The following ABHD15 variants were observed in gnomAD, a reference collection of about 807,000 sequenced individuals.
ABHD15 encodes abhydrolase domain containing 15, also known as protein ABHD15.
A neutral mutation model predicts 34.4 loss-of-function variants in ABHD15; 34 were observed. The ratio of observed to expected loss-of-function variants is 0.99; its 90% CI spans 0.75 to 1.32. The LOEUF (loss-of-function observed/expected upper bound fraction) is 1.32, where lower values mean the gene tolerates loss of function less well. Among genes scored for constraint, ABHD15 ranks in the 40% most tolerant of loss-of-function variants. The pLI is 0.00. For synonymous variants in ABHD15, 314 were observed against 299.2 expected (o/e 1.05, Z -0.51); for missense variants, 644 against 650.4 (o/e 0.99, Z 0.11).
At chr17:29,564,982 C>T (rs1352337653) in intron 1 of ABHD15, among the ~76,000 whole-genome samples, 1 of 151,982 alleles carries the variant, frequency 6.6e-6, no homozygotes, top group Non-Finnish European at 1.5e-5. Context: ...CAGCTGGGCA[C>T]GGTGGCTCAC....
chr17:29,566,911 CCGAGAAGGG>C lies in ABHD15; in HGVS notation c.47_55del (p.Ala16_Leu18del), dbSNP rs769564086. The C allele has an allele frequency of 8.1e-6, 12 of 1,488,108 alleles. No individual in the cohort carries two copies. In the South Asian group the frequency reaches 1.3e-4, roughly 16 times the overall value. 92.2% of individuals were successfully genotyped at this position (1,488,108 alleles called of 1,614,324 possible). A position where few individuals can be genotyped will look rare whatever the true frequency, so the allele number is the denominator to read the frequency against. On this transcript the variant is annotated inframe_deletion, in exon 1 of 2. Coordinates refer to ENST00000307201, the MANE Select transcript of ABHD15 (RefSeq NM_198147.3). ...TCCCCGGAGCCGCGGGCCGAGCAGG[CCGAGAAGGG>C]CGAGCACGGCCAAGATGAGCGCGAG...
In ABHD15 at chr17:29,562,947, G is replaced by A. The variant is rs1265822616; in HGVS notation, c.1021C>T (p.Pro341Ser). 1.4e-5 allele frequency: 22 copies of A among 1,613,974 alleles called. No homozygotes were observed. The highest frequency in any genetic ancestry group is 1.7e-5 in the Non-Finnish European group (20 of 1,180,062). ...GCTGCCTCATCGACATCCCGGAGCGGGTCGTTGCGGTCCCAGTAGGTATCC... is the reference window on the plus strand; with the variant it reads ...GCTGCCTCATCGACATCCCGGAGCGAGTCGTTGCGGTCCCAGTAGGTATCC... ...SWDTYWDRND[P>S]LRDVDEAAVP... Residue 341 changes from proline (P) to serine (S), a missense_variant, in exon 2 of 2, where the codon CCG becomes TCG. By Grantham distance (74) the Pro-to-Ser change is moderately conservative. Coordinates refer to ENST00000307201, the MANE Select transcript of ABHD15 (RefSeq NM_198147.3).
rs142247788 is a variant in ABHD15, at chr17:29,565,428, G to A, written c.881+658C>T. 7.0e-3 allele frequency among the ~76,000 whole-genome samples: 1,061 copies of A among 151,992 alleles called. 16 individuals carry two copies. The highest frequency in any genetic ancestry group is 0.024 in the African/African-American group (1,012 of 41,444). On this transcript the variant is annotated intron_variant, in intron 1 of 1. Coordinates refer to ENST00000307201, the MANE Select transcript of ABHD15 (RefSeq NM_198147.3). Reference sequence around the variant, plus strand: ...CTGCAGCCTCGAACTTCTGGGCTTCGGTGATCCTCCCATCTCAACCTCCTG... The same window carrying A: ...CTGCAGCCTCGAACTTCTGGGCTTCAGTGATCCTCCCATCTCAACCTCCTG...
chr17:29,563,008 A>G lies in ABHD15; in HGVS notation c.960T>C (p.Ala320=). The G allele has an allele frequency of 6.2e-7, 1 of 1,613,402 alleles. No homozygotes were observed. The highest frequency in any genetic ancestry group is 8.5e-7 in the Non-Finnish European group (1 of 1,180,010). ...RSRSLREFEE[A]LFCHTKSFPI... ...GGAAGCTTTTGGTGTGGCAGAAGAG[A>G]GCCTCCTCAAACTCTCGAAGGGAAC... The change falls in exon 2 of 2, where the codon GCT becomes GCC. Residue 320 remains alanine, a synonymous_variant. Coordinates refer to ENST00000307201, the MANE Select transcript of ABHD15 (RefSeq NM_198147.3).
Position 29,562,947 on chromosome 17 carries a change from G to C in ABHD15, c.1021C>G (p.Pro341Ala). The change falls in exon 2 of 2, where the codon CCG becomes GCG. Residue 341 changes from proline to alanine, a missense_variant. Physicochemically the swap from Pro to Ala is conservative, Grantham distance 27. Transcript: ENST00000307201. ...SWDTYWDRNDPLRDVDEAAVP... is the reference protein window; with the variant it reads ...SWDTYWDRNDALRDVDEAAVP... ...GCTGCCTCATCGACATCCCGGAGCG[G>C]GTCGTTGCGGTCCCAGTAGGTATCC... 1 of 1,614,092 alleles carries C rather than the reference G, an allele frequency of 6.2e-7. No homozygotes were observed. The highest frequency in any genetic ancestry group is 2.2e-5 in the East Asian group (1 of 44,882).
rs2032626549 is a variant in ABHD15 at position 29,561,429 on chromosome 17, T to C, written c.*1132A>G. 6.6e-6 allele frequency: 1 copy of C among 152,280 alleles called. No homozygotes were observed. The highest frequency in any genetic ancestry group is 1.5e-5 in the Non-Finnish European group (1 of 68,058). The allele number at this position is 152,280 out of a possible 1,614,324, so 9.4% of individuals were successfully genotyped here. ...TTCATAAAACCAAATACCCACTTAT[T>C]TGCTGAGTGGCCAGATCTAAGAGGA... On this transcript the variant is annotated 3_prime_UTR_variant, in exon 2 of 2. Transcript: ENST00000307201.
In ABHD15 at chr17:29,563,017, A is replaced by G. The variant is rs2032652517; in HGVS notation, c.951T>C (p.Phe317=). 2 of 1,612,958 alleles carry G rather than the reference A, an allele frequency of 1.2e-6. No individual in the cohort carries two copies. Among genetic ancestry groups the G allele is most frequent in the Non-Finnish European group, 1.7e-6 (2 of 1,180,014 alleles). The change falls in exon 2 of 2, where the codon TTT becomes TTC. Residue 317 remains phenylalanine, a synonymous_variant. Transcript: ENST00000307201. ...TGGTGTGGCAGAAGAGAGCCTCCTC[A>G]AACTCTCGAAGGGAACGGCTCCTGA... The part of the protein sequence containing the change: ...RLFRSRSLRE[F]EEALFCHTKS...
intron 1 of ABHD15, 80 bp from the exon 2 acceptor site, chr17:29,563,166 C>T (rs749497331): frequency 6.0e-5 from 89 of 1,489,632 alleles, no homozygotes; most frequent in Non-Finnish European, 7.8e-5. Context: ...ATGAGACAGA[C>T]AGACAGCCCG....
At position 29,560,871 on chromosome 17, in the gene ABHD15, G is replaced by C. The variant is rs1420276124; in HGVS notation, c.*1690C>G. The C allele has an allele frequency of 2.0e-5, 3 of 152,138 alleles. No homozygotes were observed. Among genetic ancestry groups the C allele is most frequent in the Non-Finnish European group, 4.4e-5 (3 of 68,064 alleles). 9.4% of individuals were successfully genotyped at this position (152,138 alleles called of 1,614,324 possible). A position where few individuals can be genotyped will look rare whatever the true frequency, so the allele number is the denominator to read the frequency against. ...AGGTTTCACTGTGTTAGCCAGGATG[G>C]TCTCGATCTCCTGACCTCGTGATCC... On this transcript the variant is annotated 3_prime_UTR_variant, in exon 2 of 2. Coordinates refer to ENST00000307201, the MANE Select transcript of ABHD15 (RefSeq NM_198147.3).
In ABHD15 at chr17:29,562,646, C is replaced by T. The variant is rs781467147; in HGVS notation, c.1322G>A (p.Arg441His). ...TTCCCGCCTCTGCAAGGCTCCCCCA[C>T]GACGACGGCCCCCAAGGAAGGAAGC... ...HRASFLGGRR[R>H]GGALQRREVS... The change falls in exon 2 of 2, where the codon CGT becomes CAT. Residue 441 changes from arginine to histidine, a missense_variant. By Grantham distance (29) the Arg-to-His change is conservative (BLOSUM62 0). Coordinates refer to ENST00000307201, the MANE Select transcript of ABHD15 (RefSeq NM_198147.3). 50 of 1,613,982 alleles carry T rather than the reference C, an allele frequency of 3.1e-5. No individual in the cohort carries two copies. The highest frequency in any genetic ancestry group is 3.6e-5 in the Non-Finnish European group (42 of 1,180,032).
In ABHD15 at chr17:29,566,997, G is replaced by A. The variant is rs1231346218; in HGVS notation, c.-31C>T. On this transcript the variant is annotated 5_prime_UTR_variant, in exon 1 of 2. Coordinates refer to ENST00000307201, the MANE Select transcript of ABHD15 (RefSeq NM_198147.3). The stretch of plus-strand genomic sequence containing the variant: ...AGCTGGAGAGCCCCGGCGGGCAGCG[G>A]GCGGCGGGGCCGTCTACTCGGCGAG... The A allele has an allele frequency of 5.5e-6, 7 of 1,279,108 alleles. No individual in the cohort carries two copies. Among genetic ancestry groups the A allele is most frequent in the Non-Finnish European group, 6.9e-6 (7 of 1,017,780 alleles). The allele number at this position is 1,279,108 out of a possible 1,614,324, so 79.2% of individuals were successfully genotyped here. A position where few individuals can be genotyped will look rare whatever the true frequency, so the allele number is the denominator to read the frequency against.
Position 29,566,670 on chromosome 17 carries a change from G to A in ABHD15, c.297C>T (p.Ser99=), listed in dbSNP as rs569719509. Residue 99 remains serine, a synonymous_variant, in exon 1 of 2, where the codon TCC becomes TCT. Coordinates refer to ENST00000307201, the MANE Select transcript of ABHD15 (RefSeq NM_198147.3). ...RSEALEAGPR[S]WFSGPHLQTL... Reference sequence around the variant, plus strand: ...TCTGCAGGTGGGGCCCGGAGAACCAGGAGCGCGGGCCGGCCTCCAGCGCCT... The same window carrying A: ...TCTGCAGGTGGGGCCCGGAGAACCAAGAGCGCGGGCCGGCCTCCAGCGCCT... 6.3e-7 allele frequency: 1 copy of A among 1,599,210 alleles called. No homozygotes were observed. Among genetic ancestry groups the A allele is most frequent in the Admixed American group, 1.7e-5 (1 of 59,272 alleles).
At position 29,567,035 on chromosome 17, in the gene ABHD15, C is replaced by A. The variant is rs2032734778; in HGVS notation, c.-69G>T. 8.3e-7 allele frequency: 1 copy of A among 1,199,494 alleles called. No individual in the cohort carries two copies. Among genetic ancestry groups the A allele is most frequent in the African/African-American group, 1.6e-5 (1 of 62,800 alleles). The allele number at this position is 1,199,494 out of a possible 1,614,324, so 74.3% of individuals were successfully genotyped here. On this transcript the variant is annotated 5_prime_UTR_variant, in exon 1 of 2. Transcript: ENST00000307201. This position sits in a 1 kb window ranked among gnomAD's most constrained non-coding sequence, Gnocchi z 6.6. ...TCTACTCGGCGAGCTCCGCGCTTTG[C>A]CCGCGGCTCCGCCCGCCGGCGGCGG...
rs115565555 is a variant in ABHD15, at chr17:29,561,636, G to A, written c.*925C>T. ...AGGCCAGTAGTAGGATCAGAAAAGGGAGCAACCAACCAGAAAACACCTAAG... is the reference window on the plus strand; with the variant it reads ...AGGCCAGTAGTAGGATCAGAAAAGGAAGCAACCAACCAGAAAACACCTAAG... On this transcript the variant is annotated 3_prime_UTR_variant, in exon 2 of 2. Coordinates refer to ENST00000307201, the MANE Select transcript of ABHD15 (RefSeq NM_198147.3). 3 of 152,498 alleles carry A rather than the reference G, an allele frequency of 2.0e-5. No individual in the cohort carries two copies. Among genetic ancestry groups the A allele is most frequent in the Non-Finnish European group, 4.4e-5 (3 of 68,034 alleles). 9.4% of individuals were successfully genotyped at this position (152,498 alleles called of 1,614,324 possible). A position where few individuals can be genotyped will look rare whatever the true frequency, so the allele number is the denominator to read the frequency against.
chr17:29,566,983 C>G lies in ABHD15; in HGVS notation c.-17G>C. The stretch of plus-strand genomic sequence containing the variant: ...CGGCGGCATGGCGAAGCTGGAGAGC[C>G]CCGGCGGGCAGCGGGCGGCGGGGCC... On this transcript the variant is annotated 5_prime_UTR_variant, in exon 1 of 2. Transcript: ENST00000307201. 4.6e-6 allele frequency: 6 copies of G among 1,300,362 alleles called. No homozygotes were observed. Among genetic ancestry groups the G allele is most frequent in the Non-Finnish European group, 4.9e-6 (5 of 1,030,428 alleles). 80.6% of individuals were successfully genotyped at this position (1,300,362 alleles called of 1,614,324 possible).
Position 29,562,958 on chromosome 17 carries a change from T to C in ABHD15, c.1010A>G (p.Asp337Gly), listed in dbSNP as rs990893896. 2 of 1,614,014 alleles carry C rather than the reference T, an allele frequency of 1.2e-6. No individual in the cohort carries two copies. Among genetic ancestry groups the C allele is most frequent in the Admixed American group, 1.7e-5 (1 of 60,010 alleles). ...GACATCCCGGAGCGGGTCGTTGCGG[T>C]CCCAGTAGGTATCCCAGCTGATGGG... Reference protein sequence around the residue: ...SFPISWDTYWDRNDPLRDVDE... With the variant: ...SFPISWDTYWGRNDPLRDVDE... Residue 337 changes from aspartate (D) to glycine (G), a missense_variant, in exon 2 of 2, where the codon GAC becomes GGC. Asp to Gly is a moderately conservative substitution (Grantham distance 94). Coordinates refer to ENST00000307201, the MANE Select transcript of ABHD15 (RefSeq NM_198147.3).
At position 29,562,671 on chromosome 17, in the gene ABHD15, C is replaced by T; in HGVS notation, c.1297G>A (p.Ala433Thr). The T allele has an allele frequency of 6.2e-7, 1 of 1,614,160 alleles. No individual in the cohort carries two copies. Among genetic ancestry groups the T allele is most frequent in the Non-Finnish European group, 8.5e-7 (1 of 1,180,030 alleles). Residue 433 changes from alanine to threonine, a missense_variant, in exon 2 of 2, where the codon GCT (alanine) becomes ACT (threonine). Ala to Thr is a moderately conservative substitution (Grantham distance 58, BLOSUM62 0). Coordinates refer to ENST00000307201, the MANE Select transcript of ABHD15 (RefSeq NM_198147.3). ...CGACGACGGCCCCCAAGGAAGGAAG[C>T]TCTGTGCCTGCTCAGCCCTTTAATC... ...ERIKGLSRHR[A>T]SFLGGRRRGG... is the part of the protein sequence containing the mutation.
At position 29,562,337 on chromosome 17, in the gene ABHD15, G is replaced by A. The variant is rs1272381743; in HGVS notation, c.*224C>T. On this transcript the variant is annotated 3_prime_UTR_variant, in exon 2 of 2. Coordinates refer to ENST00000307201, the MANE Select transcript of ABHD15 (RefSeq NM_198147.3). Reference sequence around the variant, plus strand: ...GCGCCGCTGCTGACCGGATGAGTAGGGATATGTTGAGCAGAGGCCAGGCAG... The same window carrying A: ...GCGCCGCTGCTGACCGGATGAGTAGAGATATGTTGAGCAGAGGCCAGGCAG... 2 of 489,834 alleles carry A rather than the reference G, an allele frequency of 4.1e-6. No individual in the cohort carries two copies. Among genetic ancestry groups the A allele is most frequent in the East Asian group, 6.5e-5 (2 of 30,918 alleles). The allele number at this position is 489,834 out of a possible 1,614,324, so 30.3% of individuals were successfully genotyped here. A position where few individuals can be genotyped will look rare whatever the true frequency, so the allele number is the denominator to read the frequency against.
rs1172027741 is a variant in ABHD15, at chr17:29,566,119, C to T, written c.848G>A (p.Gly283Asp). 1.3e-6 allele frequency: 2 copies of T among 1,554,262 alleles called. No individual in the cohort carries two copies. The highest frequency in any genetic ancestry group is 1.4e-5 in the African/African-American group (1 of 73,100). ...EAGLPWPYER[G>D]FLLHQKIALS... ...GGCGATCTTCTGGTGGAGCAGAAAG[C>T]CCCGCTCGTAGGGCCAGGGCAGGCC... The change falls in exon 1 of 2, where the codon GGC becomes GAC. Residue 283 changes from glycine to aspartate, a missense_variant. Transcript: ENST00000307201.
Sources: gnomAD v4.1 joint callset for allele counts (sites outside exome capture counted in the v4.1 genomes callset) on GRCh38, gnomAD v4.1.1 for gene constraint, Gnocchi (gnomAD v3.1) non-coding constraint, MANE v1.5 for transcripts, NCBI Gene and HGNC (gene_info 2026-07-23, HGNC 2026-07-21) for gene names.